PARVB: variants seen among roughly 807,000 people sequenced by gnomAD.
PARVB encodes parvin beta, also known as beta-parvin.
A neutral mutation model predicts 47.0 loss-of-function variants in PARVB; 46 were observed. The observed-to-expected ratio is 0.98, with a 90% confidence interval of 0.77 to 1.25. The LOEUF is 1.25. Ranked by LOEUF, PARVB falls within the 50% of genes most tolerant of loss-of-function variation. The probability of loss-of-function intolerance (pLI) is 0.00; values close to 1 mark genes in which losing one functional copy is unlikely to be tolerated. For synonymous variants in PARVB, 196 were observed against 196.3 expected (o/e 1.00, Z 0.01); for missense variants, 473 against 471.6 (o/e 1.00, Z -0.03).
At chr22:44,040,860 G>A (rs898109099) in intron 1 of PARVB, among the ~76,000 whole-genome samples, 5 of 151,972 alleles carry the variant, frequency 3.3e-5, no homozygotes, top group African/African-American at 9.7e-5. Context: ...AAAATTAGCC[G>A]GGCGTGGTGG....
chr22:44,068,449 T>TCTCCC lies in PARVB; in HGVS notation c.113-25475_113-25471dup, dbSNP rs768247196. Among the ~76,000 whole-genome samples the TCTCCC allele has an allele frequency of 2.3e-4, 35 of 152,270 alleles. No individual in the cohort carries two copies. The highest frequency in any genetic ancestry group is 4.6e-4 in the Admixed American group (7 of 15,296). On this transcript the variant is annotated intron_variant, in intron 1 of 12. Transcript: ENST00000338758. This position sits in a 1 kb window ranked among gnomAD's most constrained non-coding sequence, Gnocchi z 4.1. The stretch of plus-strand genomic sequence containing the variant: ...AGGTAGGTATCATGCGAGTCCTACT[T>TCTCCC]CTCCCCTCATTCAAGGACCTTCCTT...
chr22:44,157,111 T>C (rs1159573373), intron 10 of PARVB, among the ~76,000 whole-genome samples: 1 of 152,226 alleles, frequency 6.6e-6, no homozygotes, highest in Non-Finnish European at 1.5e-5. Flanking sequence ...CATGTGGCCA[T>C]TGGCTACCAT....
chr22:44,124,146 T>C (rs1601641893), intron 4 of PARVB, among the ~76,000 whole-genome samples: 1 of 152,204 alleles, frequency 6.6e-6, no homozygotes, highest in Admixed American at 6.5e-5. Flanking sequence ...TTGTGGGACA[T>C]GAAAGGGGGA....
intron 2 of PARVB, among the ~76,000 whole-genome samples, chr22:44,000,282 T>A (rs1335128103): frequency 6.6e-6 from 1 of 152,104 alleles, no homozygotes; most frequent in Admixed American, 6.5e-5. Context: ...GTACAAGGAG[T>A]TGAACAGTGG....
chr22:44,148,266 C>T, intron 9 of PARVB: 1 of 365,092 alleles, frequency 2.7e-6, no homozygotes, highest in Non-Finnish European at 5.3e-6. Context: ...TTACCATCTA[C>T]AGCCTGCCCA....
At chr22:44,152,116 C>G (rs1424494497) in intron 10 of PARVB, 1 of 152,346 alleles carries the variant, frequency 6.6e-6, no homozygotes, top group African/African-American at 2.4e-5. Flanking sequence ...TTCAGAGGTC[C>G]TGGTGATTAG....
intron 1 of PARVB, among the ~76,000 whole-genome samples, chr22:44,069,462 C>T (rs1201317181): frequency 6.6e-6 from 1 of 152,068 alleles, no homozygotes; most frequent in Non-Finnish European, 1.5e-5. Context: ...CATTCTCAGG[C>T]ACATGCTGCA....
At chr22:44,072,964 T>C (rs1303058138) in intron 1 of PARVB, among the ~76,000 whole-genome samples, 1 of 152,090 alleles carries the variant, frequency 6.6e-6, no homozygotes, top group East Asian at 1.9e-4. Context: ...GCCCCCAGCC[T>C]TCTCACATAC....
intron 9 of PARVB, 32 bp downstream of exon 9, chr22:44,147,954 TC>T: frequency 6.3e-7 from 1 of 1,586,222 alleles, no homozygotes; most frequent in Non-Finnish European, 8.7e-7. Context: ...GGATGTGCTC[TC>T]CCCTGGCTCG....
At chr22:44,023,527 T>G (rs6006621), upstream of PARVB, among the ~76,000 whole-genome samples, 1 of 93,254 alleles carries the variant, frequency 1.1e-5, no homozygotes, top group Non-Finnish European at 2.0e-5. Flanking sequence ...TAAAATAAAA[T>G]AAAACAAAAC....
rs577959160 is a variant in PARVB, at chr22:44,121,129, C to T, written c.376+1989C>T. 5.1e-4 allele frequency among the ~76,000 whole-genome samples: 77 copies of T among 152,238 alleles called. 1 individual carries two copies. Among genetic ancestry groups the T allele is most frequent in the South Asian group, 1.7e-3 (8 of 4,818 alleles). ...GTGCTGGGATTACAGGTGTGAGCCA[C>T]TGTGCCTGACTGGCTAATTGTTTTG... is the stretch of plus-strand genomic sequence containing the variant. On this transcript the variant is annotated intron_variant, in intron 4 of 12. Transcript: ENST00000338758.
chr22:44,110,091 C>T (rs1389668134), intron 3 of PARVB: 3 of 112,182 alleles, frequency 2.7e-5, no homozygotes, highest in Non-Finnish European at 5.0e-5. Context: ...CCAGCCTGGG[C>T]GACAGAGCGA....
intron 3 of PARVB, among the ~76,000 whole-genome samples, chr22:44,100,632 C>T (rs1217459209): frequency 1.3e-5 from 2 of 152,142 alleles, no homozygotes; most frequent in Non-Finnish European, 2.9e-5. Flanking sequence ...CTGGCTGCCC[C>T]GCTCCCAGAA....
intron 1 of PARVB, among the ~76,000 whole-genome samples, chr22:44,064,233 T>G (rs1314362549): frequency 2.6e-5 from 4 of 152,236 alleles, no homozygotes; most frequent in Non-Finnish European, 4.4e-5. Flanking sequence ...CTGGTTATAG[T>G]CACGCCGAAA....
At chr22:44,083,522 C>G (rs781392777) in intron 1 of PARVB, among the ~76,000 whole-genome samples, 17 of 152,102 alleles carry the variant, frequency 1.1e-4, no homozygotes, top group African/African-American at 3.9e-4. Context: ...AGGAGGGGCC[C>G]GAACTGCACC....
At chr22:44,000,425 A>G (rs2050402539) in intron 2 of PARVB, among the ~76,000 whole-genome samples, 1 of 152,234 alleles carries the variant, frequency 6.6e-6, no homozygotes, top group Non-Finnish European at 1.5e-5. Context: ...CCTGTTTCCC[A>G]GTGAAGAAAA....
chr22:44,020,293 C>T (rs528741310), upstream of PARVB, among the ~76,000 whole-genome samples: 27 of 152,070 alleles, frequency 1.8e-4, no homozygotes, highest in African/African-American at 6.5e-4. Flanking sequence ...CCTCCTAGCT[C>T]AGCCTCCTGA....
chr22:44,021,635 A>G (rs566694346), upstream of PARVB, among the ~76,000 whole-genome samples: 178 of 152,268 alleles, frequency 1.2e-3, 1 homozygote, highest in Non-Finnish European at 7.4e-5. Context: ...TGAGCCAGGC[A>G]TGGTGGAGGA....
In PARVB at chr22:44,120,373, G is replaced by A. The variant is rs577515160; in HGVS notation, c.376+1233G>A. 2.5e-4 allele frequency among the ~76,000 whole-genome samples: 38 copies of A among 152,194 alleles called. No individual in the cohort carries two copies. The South Asian group carries it at 7.3e-3, about 29-fold the overall frequency. Reference sequence around the variant, plus strand: ...AACCGCCTTCCCTTTCCCTCTCTCCGTTCTGTTCTGTCTTTCTGTCTTTTA... The same window carrying A: ...AACCGCCTTCCCTTTCCCTCTCTCCATTCTGTTCTGTCTTTCTGTCTTTTA... On this transcript the variant is annotated intron_variant, in intron 4 of 12. Coordinates refer to ENST00000338758, the MANE Select transcript of PARVB (RefSeq NM_013327.5).
Sources: gnomAD v4.1 joint callset for allele counts (sites outside exome capture counted in the v4.1 genomes callset) on GRCh38, gnomAD v4.1.1 for gene constraint, Gnocchi (gnomAD v3.1) non-coding constraint, MANE v1.5 for transcripts, NCBI Gene and HGNC (gene_info 2026-07-23, HGNC 2026-07-21) for gene names.